CACNA1E: variants seen among roughly 807,000 people sequenced by gnomAD.
CACNA1E encodes the protein calcium voltage-gated channel subunit alpha1 E.
CACNA1E carries 40 observed loss-of-function variants against 259.2 expected under a neutral mutation model. The observed-to-expected ratio is 0.15, with a 90% confidence interval of 0.12 to 0.20. CACNA1E has a LOEUF of 0.20. Among genes scored for constraint, CACNA1E ranks in the 10% least tolerant of loss-of-function variants. The pLI is 1.00. For missense variants in CACNA1E, 1,874 were observed against 3,040.1 expected, an observed-to-expected ratio of 0.62 and a Z score of 9.02; for synonymous variants, 1,104 against 1,138.5, an observed-to-expected ratio of 0.97 and a Z score of 0.61.
intron 1 of CACNA1E, among the ~76,000 whole-genome samples, chr1:181,503,679 A>C (rs761093201): frequency 1.3e-5 from 2 of 152,244 alleles, no homozygotes; most frequent in African/African-American, 2.4e-5. Flanking sequence ...TAGGATACTG[A>C]AAGTAACTGT....
chr1:181,566,586 A>G (rs1468143007), intron 3 of CACNA1E, among the ~76,000 whole-genome samples: 1 of 152,158 alleles, frequency 6.6e-6, no homozygotes, highest in Non-Finnish European at 1.5e-5. Flanking sequence ...TTCGTCTGGC[A>G]TCCTTTGGGG....
At chr1:181,474,687 T>C (rs575335298) in intron 2 of CACNA1E, among the ~76,000 whole-genome samples, 5 of 152,336 alleles carry the variant, frequency 3.3e-5, no homozygotes, top group African/African-American at 9.6e-5. Flanking sequence ...TGGGTTTTTT[T>C]TGAAGCAGGA....
chr1:181,379,773 G>T (rs1655336418), intron 1 of CACNA1E, among the ~76,000 whole-genome samples: 2 of 152,044 alleles, frequency 1.3e-5, no homozygotes, highest in South Asian at 2.1e-4. Flanking sequence ...GTCAACATAT[G>T]AATTTGAGGG....
chr1:181,693,780 G>A (rs917188869), intron 7 of CACNA1E, among the ~76,000 whole-genome samples: 5 of 152,018 alleles, frequency 3.3e-5, no homozygotes, highest in African/African-American at 1.2e-4. Flanking sequence ...TGTACCCTCT[G>A]AATCTAAAAT....
At position 181,732,643 on chromosome 1, in the gene CACNA1E, G is replaced by T; in HGVS notation, c.2557G>T (p.Gly853Trp). Residue 853 changes from glycine to tryptophan, a missense_variant, in exon 20 of 48, where the codon GGG becomes TGG. Coordinates refer to ENST00000367573, the MANE Select transcript of CACNA1E (RefSeq NM_001205293.3). This position sits in a 1 kb window ranked among gnomAD's most constrained non-coding sequence, Gnocchi z 5.5. ...GTTCGAGGAGGAGCGCATCAGCCGT[G>T]GGGGGTCCCTCAAGGGGGATGGAGG... ...EKFEEERISR[G>W]GSLKGDGGDR... is the part of the protein sequence containing the mutation. The T allele has an allele frequency of 1.3e-6, 2 of 1,504,126 alleles. No homozygotes were observed. The highest frequency in any genetic ancestry group is 8.9e-7 in the Non-Finnish European group (1 of 1,128,350). The allele number at this position is 1,504,126 out of a possible 1,614,324, so 93.2% of individuals were successfully genotyped here.
At chr1:181,556,893 A>G (rs556767248) in intron 3 of CACNA1E, among the ~76,000 whole-genome samples, 1 of 152,326 alleles carries the variant, frequency 6.6e-6, no homozygotes, top group African/African-American at 2.4e-5. Context: ...TTGCTAGTTT[A>G]TAGCCTTTCC....
intron 10 of CACNA1E, among the ~76,000 whole-genome samples, chr1:181,716,800 C>T (rs1185742294): frequency 2.0e-5 from 3 of 152,158 alleles, no homozygotes; most frequent in African/African-American, 7.2e-5. Flanking sequence ...AAGGAAAGGG[C>T]AGAAAGAAGC....
intron 2 of CACNA1E, among the ~76,000 whole-genome samples, chr1:181,443,910 A>G (rs1488597440): frequency 6.6e-6 from 1 of 152,234 alleles, no homozygotes; most frequent in African/African-American, 2.4e-5. Context: ...ATTTAGTTTC[A>G]TAGTACACTG....
At chr1:181,381,718 G>T (rs1655470589) in intron 1 of CACNA1E, among the ~76,000 whole-genome samples, 1 of 152,184 alleles carries the variant, frequency 6.6e-6, no homozygotes, top group Non-Finnish European at 1.5e-5. Flanking sequence ...AGAATAGTTA[G>T]TTATTAATTC....
Position 181,802,116 on chromosome 1 carries a change from C to G in CACNA1E, c.*3282C>G, listed in dbSNP as rs1366453188. 5 of 152,220 alleles carry G rather than the reference C, an allele frequency of 3.3e-5. No homozygotes were observed. Among genetic ancestry groups the G allele is most frequent in the Non-Finnish European group, 5.9e-5 (4 of 68,044 alleles). The allele number at this position is 152,220 out of a possible 1,614,324, so 9.4% of individuals were successfully genotyped here. A position where few individuals can be genotyped will look rare whatever the true frequency, so the allele number is the denominator to read the frequency against. ...GGGCTCCAGCCAAGGTGCCCCTGAG[C>G]CAGGGTCAACATAGAATTTCCTGCC... On this transcript the variant is annotated 3_prime_UTR_variant, in exon 48 of 48. Transcript: ENST00000367573.
At chr1:181,344,309 G>A (rs1004135626) in intron 1 of CACNA1E, among the ~76,000 whole-genome samples, 7 of 152,150 alleles carry the variant, frequency 4.6e-5, no homozygotes, top group African/African-American at 7.2e-5. Flanking sequence ...ACTTCCGTAC[G>A]CATTCCAGGC....
chr1:181,470,598 G>A (rs1558028956), intron 2 of CACNA1E, among the ~76,000 whole-genome samples: 1 of 152,164 alleles, frequency 6.6e-6, no homozygotes, highest in Admixed American at 6.5e-5. Flanking sequence ...TAACCAAGGA[G>A]AGGACATTTG....
intron 2 of CACNA1E, among the ~76,000 whole-genome samples, chr1:181,425,529 G>T (rs1571840376): frequency 8.4e-6 from 1 of 119,390 alleles, no homozygotes. Context: ...GTACACCCCC[G>T]CTCCCCCCCC....
At chr1:181,550,567 C>T (rs564002901) in intron 3 of CACNA1E, among the ~76,000 whole-genome samples, 1 of 151,362 alleles carries the variant, frequency 6.6e-6, no homozygotes. Context: ...GGGGTGGGGG[C>T]AGATTGGTTG....
rs1308956347 is a variant in CACNA1E, at chr1:181,776,517, TTCCAATAA to T, written c.5267+292_5267+299del. 3.3e-5 allele frequency among the ~76,000 whole-genome samples: 5 copies of T among 152,240 alleles called. No individual in the cohort carries two copies. ...ATTTGGGCTCAGTCCCAAGAGAACTTTCCAATAATCTTTTTCTGCCAATGGTTAGTGGA... is the reference window on the plus strand; with the variant it reads ...ATTTGGGCTCAGTCCCAAGAGAACTTTCTTTTTCTGCCAATGGTTAGTGGA... On this transcript the variant is annotated intron_variant, in intron 38 of 47. Transcript: ENST00000367573. This position sits in a 1 kb window ranked among gnomAD's most constrained non-coding sequence, Gnocchi z 4.4.
chr1:181,604,416 A>G (rs1654040441), intron 6 of CACNA1E, among the ~76,000 whole-genome samples: 1 of 152,142 alleles, frequency 6.6e-6, no homozygotes, highest in South Asian at 2.1e-4. Context: ...CAGCTGAGGG[A>G]TCGTTTCAGA....
chr1:181,555,701 T>G (rs1463099119), intron 3 of CACNA1E, among the ~76,000 whole-genome samples: 34 of 152,230 alleles, frequency 2.2e-4, no homozygotes, highest in Admixed American at 2.2e-3. Flanking sequence ...ATTTGGAAGA[T>G]GTGATCCACT....
At chr1:181,698,922 C>A (rs931258783) in intron 7 of CACNA1E, among the ~76,000 whole-genome samples, 1 of 152,126 alleles carries the variant, frequency 6.6e-6, no homozygotes, top group South Asian at 2.1e-4. Context: ...TACAGAGGGA[C>A]AAAGTCTCAA....
chr1:181,440,485 ACAATAG>A (rs1359330506), intron 2 of CACNA1E, among the ~76,000 whole-genome samples: 1 of 152,178 alleles, frequency 6.6e-6, no homozygotes, highest in Non-Finnish European at 1.5e-5. Flanking sequence ...CCACCAAAGA[ACAATAG>A]CAAGCTGAAA....
Sources: allele counts gnomAD v4.1 joint callset (sites outside exome capture counted in the v4.1 genomes callset), GRCh38; gene constraint gnomAD v4.1.1; non-coding constraint Gnocchi (gnomAD v3.1); transcripts MANE v1.5; gene names NCBI Gene and HGNC (gene_info 2026-07-23, HGNC 2026-07-21).